Variants in CLMP observed in about 807,000 individuals in gnomAD.
CLMP encodes CXADR like cell adhesion molecule, also known as CXADR-like membrane protein.
A neutral mutation model predicts 45.2 loss-of-function variants in CLMP; 27 were observed. The observed-to-expected ratio is 0.60, with a 90% CI of 0.44 to 0.82. The LOEUF (loss-of-function observed/expected upper bound fraction) is 0.82. Ranked by LOEUF, CLMP falls within the 40% of genes least tolerant of loss-of-function variation. The probability of loss-of-function intolerance (pLI) is 0.00; values close to 1 mark genes in which losing one functional copy is unlikely to be tolerated. For missense variants in CLMP, 403 were observed against 448.4 expected, an observed-to-expected ratio of 0.90 and a Z score of 0.91; for synonymous variants, 167 against 171.4, an observed-to-expected ratio of 0.97 and a Z score of 0.20.
chr11:123,083,809 G>T lies in CLMP; in HGVS notation c.427C>A (p.Leu143Met). ...SKPKCELEGE[L>M]TEGSDLTLQC... is the part of the protein sequence containing the mutation. ...AAAGTCAGGTCACTTCCTTCTGTCA[G>T]CTCTCCTTCCAACTCACACTTGGGC... is the stretch of plus-strand genomic sequence containing the variant. The change falls in exon 4 of 7, where the codon CTG (leucine) becomes ATG (methionine). Residue 143 changes from leucine to methionine, a missense_variant. Physicochemically the swap from Leu to Met is conservative, Grantham distance 15. Coordinates refer to ENST00000448775, the MANE Select transcript of CLMP (RefSeq NM_024769.5). The T allele has an allele frequency of 6.2e-7, 1 of 1,613,676 alleles. No individual in the cohort carries two copies. Among genetic ancestry groups the T allele is most frequent in the Non-Finnish European group, 8.5e-7 (1 of 1,180,030 alleles).
In CLMP at chr11:123,071,002, A is replaced by G. The variant is rs1022071446; in HGVS notation, c.*2472T>C. 1 of 152,220 alleles carries G rather than the reference A, an allele frequency of 6.6e-6. No individual in the cohort carries two copies. Among genetic ancestry groups the G allele is most frequent in the Non-Finnish European group, 1.5e-5 (1 of 68,042 alleles). 9.4% of individuals were successfully genotyped at this position (152,220 alleles called of 1,614,324 possible). On this transcript the variant is annotated 3_prime_UTR_variant, in exon 7 of 7. Transcript: ENST00000448775. ...CACGATTGTGAGAATTAAATATAGGAGTGAAAAACCAGAGAAATGGGGCAA... is the reference window on the plus strand; with the variant it reads ...CACGATTGTGAGAATTAAATATAGGGGTGAAAAACCAGAGAAATGGGGCAA...
chr11:123,152,523 A>T (rs960478032), intron 1 of CLMP, among the ~76,000 whole-genome samples: 4 of 142,742 alleles, frequency 2.8e-5, no homozygotes, highest in African/African-American at 1.1e-4. Flanking sequence ...ACTCCATCTC[A>T]AAATAAATAA....
intron 1 of CLMP, among the ~76,000 whole-genome samples, chr11:123,137,920 A>T (rs908064127): frequency 2.6e-5 from 4 of 152,034 alleles, no homozygotes; most frequent in Non-Finnish European, 4.4e-5. Context: ...AGATCCTCTA[A>T]CTAGACCACC....
chr11:123,105,751 T>G (rs1860535724), intron 1 of CLMP, among the ~76,000 whole-genome samples: 1 of 151,916 alleles, frequency 6.6e-6, no homozygotes. Flanking sequence ...TTCTCATAGA[T>G]TCTCCTGAAC....
intron 2 of CLMP, among the ~76,000 whole-genome samples, chr11:123,089,031 T>G (rs1565379134): frequency 6.6e-6 from 1 of 152,234 alleles, no homozygotes; most frequent in Non-Finnish European, 1.5e-5. Flanking sequence ...AGAGTCAGGC[T>G]GCTTTGGACG....
At chr11:123,074,169 C>T (rs911069708) in intron 6 of CLMP, among the ~76,000 whole-genome samples, 2 of 144,940 alleles carry the variant, frequency 1.4e-5, no homozygotes, top group Non-Finnish European at 3.0e-5. Flanking sequence ...TACATATGTA[C>T]ATACTTTTTT....
intron 2 of CLMP, among the ~76,000 whole-genome samples, chr11:123,091,984 A>G (rs1865936356): frequency 6.6e-6 from 1 of 152,046 alleles, no homozygotes; most frequent in Admixed American, 6.6e-5. Flanking sequence ...ATGTTTCTTG[A>G]TTCTGAATAG....
At chr11:123,087,791 A>G (rs1408496015) in intron 2 of CLMP, among the ~76,000 whole-genome samples, 1 of 152,130 alleles carries the variant, frequency 6.6e-6, no homozygotes, top group Non-Finnish European at 1.5e-5. Context: ...ACTGCACTCC[A>G]GCCTAGGGAC....
At chr11:123,115,782 T>C (rs1396672573) in intron 1 of CLMP, among the ~76,000 whole-genome samples, 1 of 152,194 alleles carries the variant, frequency 6.6e-6, no homozygotes, top group African/African-American at 2.4e-5. Context: ...TGTATGTATA[T>C]TATATTTTAT....
intron 1 of CLMP, among the ~76,000 whole-genome samples, chr11:123,125,928 CTCTT>C: frequency 6.6e-6 from 1 of 152,160 alleles, no homozygotes; most frequent in South Asian, 2.1e-4. Flanking sequence ...TTTCTGCTCT[CTCTT>C]CGCACAGCAG....
chr11:123,104,401 C>T (rs1435243649), intron 1 of CLMP, among the ~76,000 whole-genome samples: 1 of 145,944 alleles, frequency 6.9e-6, no homozygotes, highest in Non-Finnish European at 1.5e-5. Context: ...TTTTTTTTTC[C>T]CCAGACGGAG....
intron 1 of CLMP, among the ~76,000 whole-genome samples, chr11:123,135,349 G>A (rs1023558271): frequency 6.6e-6 from 1 of 151,952 alleles, no homozygotes; most frequent in African/African-American, 2.4e-5. Context: ...GGGGGGAGGG[G>A]ACCCTGATTT....
At chr11:123,157,978 C>G (rs1861437912) in intron 1 of CLMP, among the ~76,000 whole-genome samples, 1 of 151,980 alleles carries the variant, frequency 6.6e-6, no homozygotes, top group Admixed American at 6.5e-5. Flanking sequence ...TTATTTTTTT[C>G]CTGCTGCTTC....
intron 2 of CLMP, among the ~76,000 whole-genome samples, chr11:123,092,212 C>T (rs535674688): frequency 1.3e-4 from 19 of 151,986 alleles, no homozygotes; most frequent in Non-Finnish European, 1.9e-4. Context: ...GTGCACAGTA[C>T]GTTCAGGTAG....
At position 123,081,315 on chromosome 11, in the gene CLMP, T is replaced by C. The variant is rs368751128; in HGVS notation, c.679+1770A>G. On this transcript the variant is annotated intron_variant, in intron 5 of 6. Transcript: ENST00000448775. ...GATTAATATCCATGCCCTGCTTCCTTTTGTCTTTCAACTTGGTTTATCCTG... is the reference window on the plus strand; with the variant it reads ...GATTAATATCCATGCCCTGCTTCCTCTTGTCTTTCAACTTGGTTTATCCTG... Among the ~76,000 whole-genome samples the C allele has an allele frequency of 2.6e-5, 4 of 152,282 alleles. No homozygotes were observed. The East Asian group carries it at 5.8e-4, about 22-fold the overall frequency.
At chr11:123,074,239 A>G (rs1305495239) in intron 6 of CLMP, among the ~76,000 whole-genome samples, 2 of 150,286 alleles carry the variant, frequency 1.3e-5, no homozygotes, top group East Asian at 2.0e-4. Context: ...CAGAGGTGCA[A>G]TCATGGCTCA....
At chr11:123,102,710 T>C (rs1860471793) in intron 1 of CLMP, among the ~76,000 whole-genome samples, 2 of 115,978 alleles carry the variant, frequency 1.7e-5, no homozygotes, top group Admixed American at 1.9e-4. Context: ...CGAGTAGCTT[T>C]TTTTTTTTTT....
intron 1 of CLMP, among the ~76,000 whole-genome samples, chr11:123,173,213 A>T (rs1861659114): frequency 6.6e-6 from 1 of 152,254 alleles, no homozygotes; most frequent in Middle Eastern, 3.2e-3. Context: ...GGAACAAGCC[A>T]GTGCCAGCTG....
At chr11:123,186,425 C>T (rs1861835008) in intron 1 of CLMP, among the ~76,000 whole-genome samples, 2 of 152,088 alleles carry the variant, frequency 1.3e-5, no homozygotes, top group African/African-American at 4.8e-5. Context: ...TGTGATATGC[C>T]AAGCAGCGTA....
Sources: allele counts gnomAD v4.1 joint callset (sites outside exome capture counted in the v4.1 genomes callset), GRCh38; gene constraint gnomAD v4.1.1; transcripts MANE v1.5; gene names NCBI Gene and HGNC (gene_info 2026-07-23, HGNC 2026-07-21).